ERAP1: variants seen among roughly 807,000 people sequenced by gnomAD.
ERAP1 encodes endoplasmic reticulum aminopeptidase 1, also known as adipocyte-derived leucine aminopeptidase.
ERAP1 carries 86 observed loss-of-function variants against 103.7 expected under a neutral mutation model. The ratio of observed to expected loss-of-function variants is 0.83; its 90% CI spans 0.70 to 0.99. The LOEUF (loss-of-function observed/expected upper bound fraction) is 0.99. ERAP1 is among the 50% of genes least tolerant of loss of function. The pLI, the probability that ERAP1 is intolerant of heterozygous loss-of-function variation, is 0.00. For synonymous variants in ERAP1, 398 were observed against 402.4 expected (o/e 0.99, Z 0.13); for missense variants, 1,009 against 1,128.4 (o/e 0.89, Z 1.52).
At chr5:96,872,335 CAAA>C in the ERAP1 span, among the ~76,000 whole-genome samples, 55 of 127,394 alleles carry the variant, frequency 4.3e-4, no homozygotes, top group Non-Finnish European at 4.2e-4. Flanking sequence ...GACCCTGTCT[CAAA>C]AAAAAAAAAA....
At chr5:96,853,756 T>C in the ERAP1 span, among the ~76,000 whole-genome samples, 1 of 151,736 alleles carries the variant, frequency 6.6e-6, no homozygotes, top group Non-Finnish European at 1.5e-5. Context: ...CCACTTCATG[T>C]AGTATTTTAA....
chr5:96,928,135 C>A, the ERAP1 span, among the ~76,000 whole-genome samples: 1 of 152,084 alleles, frequency 6.6e-6, no homozygotes, highest in South Asian at 2.1e-4. Flanking sequence ...GTGATCCGCC[C>A]ACCTCAGCCT....
chr5:96,803,709 G>C lies in ERAP1; in HGVS notation c.218C>G (p.Thr73Arg). ...TTTCGTGGTTCCCCAGAAGGTCAGCGTGGTAAGGTTTGCATGGATCAAGAG... is the reference window on the plus strand; with the variant it reads ...TTTCGTGGTTCCCCAGAAGGTCAGCCTGGTAAGGTTTGCATGGATCAAGAG... ...YDLLIHANLT[T>R]LTFWGTTKVE... Residue 73 changes from threonine to arginine, a missense_variant, in exon 2 of 19, where the codon ACG (threonine) becomes AGG (arginine). Transcript: ENST00000443439. 6.2e-7 allele frequency: 1 copy of C among 1,614,214 alleles called. No individual in the cohort carries two copies.
the ERAP1 span, among the ~76,000 whole-genome samples, chr5:96,927,510 G>A: frequency 4.6e-5 from 7 of 151,882 alleles, no homozygotes; most frequent in East Asian, 1.9e-4. Context: ...GTTTTGAGAC[G>A]GAGTCTCGCT....
At chr5:96,848,696 T>C in the ERAP1 span, 4 of 152,134 alleles carry the variant, frequency 2.6e-5, no homozygotes, top group African/African-American at 9.6e-5. Flanking sequence ...CTGAATTCTA[T>C]GAAACATGTA....
intron 11 of ERAP1, among the ~76,000 whole-genome samples, chr5:96,788,034 G>A (rs557672656): frequency 2.6e-5 from 4 of 152,096 alleles, no homozygotes; most frequent in Admixed American, 6.6e-5. Flanking sequence ...ATTTTTTAAC[G>A]GTATCCATCC....
Position 96,803,697 on chromosome 5 carries a change from C to T in ERAP1, c.230G>A (p.Trp77Ter), listed in dbSNP as rs1561291716. 3.1e-6 allele frequency: 5 copies of T among 1,614,190 alleles called. No individual in the cohort carries two copies. The highest frequency in any genetic ancestry group is 1.1e-5 in the South Asian group (1 of 91,078). The part of the protein sequence containing the change: ...IHANLTTLTF[W>*]GTTKVEITAS... Reference sequence around the variant, plus strand: ...TGTGATTTCTACTTTCGTGGTTCCCCAGAAGGTCAGCGTGGTAAGGTTTGC... The same window carrying T: ...TGTGATTTCTACTTTCGTGGTTCCCTAGAAGGTCAGCGTGGTAAGGTTTGC... The change falls in exon 2 of 19, where the codon TGG becomes TAG. Residue 77 changes from tryptophan (W) to a stop codon, truncating the protein, a stop_gained. Coordinates refer to ENST00000443439, the MANE Select transcript of ERAP1 (RefSeq NM_001040458.3). LOFTEE classifies it high-confidence loss of function.
chr5:96,872,971 C>T, the ERAP1 span, among the ~76,000 whole-genome samples: 3 of 152,046 alleles, frequency 2.0e-5, no homozygotes, highest in Non-Finnish European at 2.9e-5. Flanking sequence ...GGGTGGATCA[C>T]CTGAGGTTAG....
At chr5:96,895,497 G>T in the ERAP1 span, 1 of 661,254 alleles carries the variant, frequency 1.5e-6, no homozygotes, top group Admixed American at 3.0e-5. Context: ...TTTGATACAC[G>T]AAACAGATCA....
the ERAP1 span, chr5:96,886,819 T>C: frequency 7.2e-7 from 1 of 1,379,844 alleles, no homozygotes; most frequent in Non-Finnish European, 9.5e-7. Context: ...TTCTACGCAG[T>C]GCAGAAAAGT....
the ERAP1 span, among the ~76,000 whole-genome samples, chr5:96,872,194 G>T: frequency 6.6e-6 from 1 of 152,038 alleles, no homozygotes; most frequent in Non-Finnish European, 1.5e-5. Flanking sequence ...CTATAAGTTG[G>T]CTTCAGAGTT....
chr5:96,856,832 A>G, the ERAP1 span, among the ~76,000 whole-genome samples: 4 of 152,128 alleles, frequency 2.6e-5, no homozygotes, highest in African/African-American at 9.7e-5. Context: ...AAATATCAAT[A>G]TTTTACGCAT....
chr5:96,782,197 G>C (rs921914701), intron 15 of ERAP1, among the ~76,000 whole-genome samples: 2 of 151,952 alleles, frequency 1.3e-5, no homozygotes, highest in Admixed American at 1.3e-4. Flanking sequence ...TTTTAGTAGA[G>C]ACGGGGTTTC....
rs1475628207 is a variant in ERAP1 at position 96,807,863 on chromosome 5, G to A, written c.-21C>T. The A allele has an allele frequency of 5.1e-6, 5 of 986,024 alleles. No individual in the cohort carries two copies. Among genetic ancestry groups the A allele is most frequent in the Non-Finnish European group, 6.0e-6 (5 of 830,338 alleles). The allele number at this position is 986,024 out of a possible 1,614,324, so 61.1% of individuals were successfully genotyped here. ...CCGCGGCTCGAGCGCGCTGTACCTG[G>A]GGTTCTGGGGCCGCCCTCACCCTTG... On this transcript the variant is annotated 5_prime_UTR_variant, in exon 1 of 19. Transcript: ENST00000443439.
In ERAP1 at chr5:96,765,454, G is replaced by T. The variant is rs546381884; in HGVS notation, c.2819-2226C>A. 72 of 595,384 alleles carry T rather than the reference G, an allele frequency of 1.2e-4. No individual in the cohort carries two copies. In the South Asian group the frequency reaches 1.6e-3, roughly 13 times the overall value. The allele number at this position is 595,384 out of a possible 1,614,324, so 36.9% of individuals were successfully genotyped here. On this transcript the variant is annotated intron_variant, in intron 19 of 19. Coordinates refer to the ERAP1 transcript ENST00000296754. ...TATATTTTAAACATGAAATTATAAT[G>T]AAATAGAAAAATCAATCTGTACTCC...
At chr5:96,765,440 C>A (rs1769574336) in intron 19 of ERAP1, 1 of 602,074 alleles carries the variant, frequency 1.7e-6, no homozygotes. Flanking sequence ...ATATTTTAAA[C>A]ATGAAATTAT....
At chr5:96,862,561 A>G in the ERAP1 span, among the ~76,000 whole-genome samples, 1 of 152,234 alleles carries the variant, frequency 6.6e-6, no homozygotes, top group African/African-American at 2.4e-5. Context: ...GGAACTTGTA[A>G]CAGAAACTCC....
At chr5:96,832,235 A>C in the ERAP1 span, among the ~76,000 whole-genome samples, 1 of 152,234 alleles carries the variant, frequency 6.6e-6, no homozygotes, top group African/African-American at 2.4e-5. Flanking sequence ...GTATCAAAGC[A>C]AACTTTGCTC....
chr5:96,872,349 A>AAAAG, the ERAP1 span, among the ~76,000 whole-genome samples: 2 of 151,902 alleles, frequency 1.3e-5, no homozygotes, highest in Non-Finnish European at 2.9e-5. Context: ...AAAAAAAAAA[A>AAAAG]AAAGGAAGAA....
Sources: allele counts gnomAD v4.1 joint callset (sites outside exome capture counted in the v4.1 genomes callset), GRCh38; gene constraint gnomAD v4.1.1; transcripts MANE v1.5; gene names NCBI Gene and HGNC (gene_info 2026-07-23, HGNC 2026-07-21).